UQCRC1: variants seen among roughly 807,000 people sequenced by gnomAD.
UQCRC1 encodes cytochrome b-c1 complex subunit 1, mitochondrial.
In UQCRC1, 34 loss-of-function variants were observed where a neutral mutation model predicts 58.0. The ratio of observed to expected loss-of-function variants is 0.59; its 90% CI spans 0.45 to 0.78. The LOEUF (loss-of-function observed/expected upper bound fraction) is 0.78. UQCRC1 is among the 30% of genes least tolerant of loss of function. The pLI is 0.00. For synonymous variants in UQCRC1, 276 were observed against 248.8 expected, an observed-to-expected ratio of 1.11 and a Z score of -1.03; for missense variants, 610 against 646.0, an observed-to-expected ratio of 0.94 and a Z score of 0.60.
intron 2 of UQCRC1, among the ~76,000 whole-genome samples, chr3:48,608,538 C>T (rs1422403077): frequency 6.6e-6 from 1 of 152,160 alleles, no homozygotes; most frequent in Non-Finnish European, 1.5e-5. Context: ...CAATTTAAAT[C>T]GCAGGACATT....
At chr3:48,608,232 G>A (rs1292334531) in intron 2 of UQCRC1, among the ~76,000 whole-genome samples, 3 of 152,178 alleles carry the variant, frequency 2.0e-5, no homozygotes, top group African/African-American at 7.2e-5. Flanking sequence ...ACTGATAAGT[G>A]AGAACATGTG....
At chr3:48,599,982 G>A (rs372994857) in intron 11 of UQCRC1, 81 bp downstream of exon 11, 235 of 1,548,010 alleles carry the variant, frequency 1.5e-4, no homozygotes, top group Non-Finnish European at 1.9e-4. Context: ...AGCAGGCTGC[G>A]CTATGCCAGG....
chr3:48,601,694 G>A (rs1575512465), intron 6 of UQCRC1, among the ~76,000 whole-genome samples: 2 of 152,230 alleles, frequency 1.3e-5, no homozygotes, highest in East Asian at 1.9e-4. Context: ...AGTCCCAGGA[G>A]AGCAAAAGCG....
chr3:48,603,495 C>T, intron 6 of UQCRC1, 69 bp downstream of exon 6: 1 of 1,537,938 alleles, frequency 6.5e-7, no homozygotes, highest in Non-Finnish European at 8.9e-7. Context: ...TGGTGGGAAC[C>T]AGGACCTCGG....
chr3:48,604,486 C>T, intron 4 of UQCRC1, 55 bp from the exon 5 acceptor site: 1 of 1,599,836 alleles, frequency 6.3e-7, no homozygotes, highest in South Asian at 1.1e-5. Context: ...AGACCAACGA[C>T]AGCACAAAAT....
Position 48,599,073 on chromosome 3 carries a change from TG to T in UQCRC1, c.*54del, listed in dbSNP as rs953114128. ...AGGAGCCGAAGTGCTGTGTTTGTGG[TG>T]GGGGGGGGACCACAAACCCCGGCCC... On this transcript the variant is annotated 3_prime_UTR_variant, in exon 13 of 13. Transcript: ENST00000203407. The T allele has an allele frequency of 1.3e-3, 2,046 of 1,522,370 alleles. No homozygotes were observed. The highest frequency in any genetic ancestry group is 2.7e-3 in the East Asian group (111 of 41,880). The allele number at this position is 1,522,370 out of a possible 1,614,324, so 94.3% of individuals were successfully genotyped here.
intron 1 of UQCRC1, 84 bp downstream of exon 1, chr3:48,609,468 C>T: frequency 6.6e-7 from 1 of 1,523,644 alleles, no homozygotes; most frequent in Non-Finnish European, 8.8e-7. Context: ...TCCTCCCCAC[C>T]TCGACCTGCC....
chr3:48,603,175 C>A (rs1050349546), intron 6 of UQCRC1, among the ~76,000 whole-genome samples: 2 of 152,210 alleles, frequency 1.3e-5, no homozygotes, highest in Non-Finnish European at 2.9e-5. Context: ...CCTTCTGTGC[C>A]TTCCTTTCAA....
intron 5 of UQCRC1, chr3:48,604,001 GA>G: frequency 1.7e-6 from 1 of 599,458 alleles, no homozygotes; most frequent in Non-Finnish European, 2.9e-6. Context: ...TTCGCCCTTG[GA>G]CTGTCAGGAC....
chr3:48,602,100 G>A (rs1384194643), intron 6 of UQCRC1, among the ~76,000 whole-genome samples: 1 of 151,400 alleles, frequency 6.6e-6, no homozygotes, highest in African/African-American at 2.4e-5. Flanking sequence ...GCCCAGGCTG[G>A]AGCACAGTGG....
intron 5 of UQCRC1, chr3:48,603,958 A>G (rs1187801942): frequency 8.5e-6 from 5 of 585,584 alleles, no homozygotes; most frequent in African/African-American, 3.7e-5. Context: ...CACAAAGGAG[A>G]CAAGAGACCA....
intron 6 of UQCRC1, among the ~76,000 whole-genome samples, chr3:48,602,376 C>T (rs1363242613): frequency 6.6e-6 from 1 of 151,860 alleles, no homozygotes; most frequent in South Asian, 2.1e-4. Flanking sequence ...TTCCTTCCTT[C>T]CATGAGCTCA....
rs774335344 is a variant in UQCRC1, at chr3:48,604,233, C to T, written c.626G>A (p.Arg209Lys). The T allele has an allele frequency of 1.2e-6, 2 of 1,612,182 alleles. No individual in the cohort carries two copies. Among genetic ancestry groups the T allele is most frequent in the East Asian group, 2.2e-5 (1 of 44,894 alleles). Residue 209 changes from arginine to lysine, a missense_variant and splice_region_variant, in exon 5 of 13, where the codon AGG becomes AAG. Arg to Lys is a conservative substitution (Grantham distance 26). Coordinates refer to ENST00000203407, the MANE Select transcript of UQCRC1 (RefSeq NM_003365.3). ...CCCCACAAGGCCAGCCAACTCTCAC[C>T]TGACATTCTCACTGGGCCCCTCCAC... ...QAVEGPSENV[R>K]KLSRADLTEY... is the part of the protein sequence containing the mutation.
intron 6 of UQCRC1, 45 bp downstream of exon 6, chr3:48,603,519 G>C: frequency 6.2e-7 from 1 of 1,601,228 alleles, no homozygotes; most frequent in South Asian, 1.1e-5. Flanking sequence ...TGATAACCAA[G>C]GCTGGGACCC....
chr3:48,601,730 T>C (rs2046368025), intron 6 of UQCRC1, among the ~76,000 whole-genome samples: 2 of 152,152 alleles, frequency 1.3e-5, no homozygotes, highest in African/African-American at 4.8e-5. Flanking sequence ...TGGGCTGCCA[T>C]GTGATCCAAG....
chr3:48,609,013 A>T (rs925580762), intron 2 of UQCRC1, 149 bp downstream of exon 2: 1 of 1,049,092 alleles, frequency 9.5e-7, no homozygotes, highest in Non-Finnish European at 1.3e-6. Context: ...TGGCTAGGGT[A>T]GGGAATGGGG....
At chr3:48,607,392 G>T (rs1369727070) in intron 2 of UQCRC1, among the ~76,000 whole-genome samples, 1 of 152,020 alleles carries the variant, frequency 6.6e-6, no homozygotes, top group African/African-American at 2.4e-5. Flanking sequence ...GGCCAGGATG[G>T]TCTCAATCTC....
chr3:48,608,894 ATGGG>A (rs1280619469), intron 2 of UQCRC1, among the ~76,000 whole-genome samples: 2 of 152,202 alleles, frequency 1.3e-5, no homozygotes, highest in Non-Finnish European at 2.9e-5. Flanking sequence ...CTTCCCTTAT[ATGGG>A]CTCCTTAACA....
In UQCRC1 at chr3:48,607,303, A is replaced by G. The variant is rs568760192; in HGVS notation, c.211-1447T>C. On this transcript the variant is annotated intron_variant, in intron 2 of 12. Transcript: ENST00000203407. ...TGATTCGCCCGCCTCGGCCTCCCAA[A>G]GTGCTGGGATTACAGGCGTGAGCCA... Among the ~76,000 whole-genome samples the G allele has an allele frequency of 1.8e-3, 275 of 152,156 alleles. 1 individual carries two copies. The highest frequency in any genetic ancestry group is 6.2e-3 in the African/African-American group (258 of 41,508).
Sources: gnomAD v4.1 joint callset for allele counts (sites outside exome capture counted in the v4.1 genomes callset) on GRCh38, gnomAD v4.1.1 for gene constraint, MANE v1.5 for transcripts, NCBI Gene and HGNC (gene_info 2026-07-23, HGNC 2026-07-21) for gene names.